MDGA2: variants seen among roughly 807,000 people sequenced by gnomAD.
MDGA2 encodes the protein MAM domain-containing glycosylphosphatidylinositol anchor protein 2.
Under a neutral mutation model 117.8 loss-of-function variants are expected in MDGA2, and 40 were observed. The observed-to-expected ratio is 0.34, with a 90% CI of 0.26 to 0.44. The LOEUF (loss-of-function observed/expected upper bound fraction) is 0.44. MDGA2 is among the 20% of genes least tolerant of loss of function. The pLI is 1.00. For missense variants in MDGA2, 1,123 were observed against 1,250.6 expected, an observed-to-expected ratio of 0.90 and a Z score of 1.54; for synonymous variants, 452 against 439.0, an observed-to-expected ratio of 1.03 and a Z score of -0.37.
chr14:47,059,328 G>A (rs1311312590), intron 7 of MDGA2: 1 of 1,275,040 alleles, frequency 7.8e-7, no homozygotes, highest in South Asian at 1.2e-5. Flanking sequence ...TACTTTCCAG[G>A]GGTAGTGTTT....
chr14:47,123,711 T>C (rs193082700), intron 5 of MDGA2, among the ~76,000 whole-genome samples: 7 of 152,190 alleles, frequency 4.6e-5, no homozygotes, highest in Non-Finnish European at 4.4e-5. Context: ...TACTAATATC[T>C]AACATATGCA....
At chr14:47,527,023 C>T (rs1894986429) in intron 1 of MDGA2, among the ~76,000 whole-genome samples, 1 of 152,136 alleles carries the variant, frequency 6.6e-6, no homozygotes, top group Non-Finnish European at 1.5e-5. Flanking sequence ...AGCATGCTCA[C>T]TGAGTATTTA....
chr14:47,023,723 C>T (rs1456130974), intron 8 of MDGA2, among the ~76,000 whole-genome samples: 2 of 152,098 alleles, frequency 1.3e-5, no homozygotes, highest in East Asian at 3.9e-4. Flanking sequence ...AAAGGAATTA[C>T]TATACTTTTA....
intron 7 of MDGA2, among the ~76,000 whole-genome samples, chr14:47,060,301 T>C (rs1889837697): frequency 6.6e-6 from 1 of 152,064 alleles, no homozygotes; most frequent in African/African-American, 2.4e-5. Context: ...AGGAGTAAAA[T>C]CAATCCAGTG....
At chr14:47,657,606 AACTGACAGTT>A (rs1248196891) in intron 1 of MDGA2, among the ~76,000 whole-genome samples, 1 of 152,174 alleles carries the variant, frequency 6.6e-6, no homozygotes, top group Non-Finnish European at 1.5e-5. Flanking sequence ...TCTTGATTGG[AACTGACAGTT>A]ACCTTGTGCC....
At chr14:47,102,858 G>T (rs545759208) in intron 5 of MDGA2, among the ~76,000 whole-genome samples, 100 of 152,288 alleles carry the variant, frequency 6.6e-4, no homozygotes, top group Admixed American at 2.0e-3. Context: ...TCTGTCCAAA[G>T]AAACTGCAGC....
chr14:46,865,802 G>A (rs975603482), intron 14 of MDGA2, among the ~76,000 whole-genome samples: 1 of 152,096 alleles, frequency 6.6e-6, no homozygotes, highest in African/African-American at 2.4e-5. Flanking sequence ...TTGCTTCAAA[G>A]AGAATAAAAT....
chr14:47,620,853 C>T (rs758151813), intron 1 of MDGA2, among the ~76,000 whole-genome samples: 6 of 152,246 alleles, frequency 3.9e-5, no homozygotes, highest in African/African-American at 1.2e-4. Flanking sequence ...TGAGGCACAA[C>T]GGCACAACAT....
At chr14:47,280,595 A>G (rs1016243170) in intron 2 of MDGA2, among the ~76,000 whole-genome samples, 2 of 151,998 alleles carry the variant, frequency 1.3e-5, no homozygotes, top group Admixed American at 6.6e-5. Context: ...GGAGAGCTCT[A>G]TGGGACAGGA....
intron 8 of MDGA2, among the ~76,000 whole-genome samples, chr14:46,988,598 G>A (rs1279320558): frequency 2.6e-5 from 4 of 152,096 alleles, no homozygotes; most frequent in Admixed American, 1.3e-4. Flanking sequence ...AAGGACTCAC[G>A]GAAAACCAAA....
At chr14:47,376,427 T>A (rs555160934) in intron 1 of MDGA2, among the ~76,000 whole-genome samples, 1 of 152,150 alleles carries the variant, frequency 6.6e-6, no homozygotes, top group Admixed American at 6.5e-5. Flanking sequence ...CTATTATTGG[T>A]CAATCTCAGA....
At chr14:47,196,470 G>A (rs928673852) in intron 3 of MDGA2, among the ~76,000 whole-genome samples, 3 of 152,042 alleles carry the variant, frequency 2.0e-5, no homozygotes, top group African/African-American at 7.2e-5. Context: ...TATACTTTTT[G>A]CAGTGATTTA....
At position 47,320,903 on chromosome 14, in the gene MDGA2, C is replaced by CA. The variant is rs974912315; in HGVS notation, c.281-19354dup. Among the ~76,000 whole-genome samples the CA allele has an allele frequency of 2.0e-5, 3 of 151,878 alleles. No individual in the cohort carries two copies. In the South Asian group the frequency reaches 6.2e-4, roughly 32 times the overall value. ...AATCTATCAATCTCTGCCATTTACC[C>CA]AAAAAACATTGTACCCCAGATTAAA... is the stretch of plus-strand genomic sequence containing the variant. On this transcript the variant is annotated intron_variant, in intron 1 of 16. Transcript: ENST00000399232.
chr14:47,299,771 C>A (rs149889061), intron 2 of MDGA2, among the ~76,000 whole-genome samples: 418 of 151,954 alleles, frequency 2.8e-3, no homozygotes, highest in Admixed American at 4.5e-3. Flanking sequence ...CTTTTGGAAT[C>A]TTTTTTTTCT....
intron 2 of MDGA2, among the ~76,000 whole-genome samples, chr14:47,267,418 T>C (rs1280293249): frequency 3.3e-5 from 5 of 152,182 alleles, no homozygotes; most frequent in Non-Finnish European, 7.4e-5. Flanking sequence ...GTTAATGACA[T>C]AAAAAATTTG....
At chr14:47,316,804 A>G (rs1004425331) in intron 1 of MDGA2, among the ~76,000 whole-genome samples, 1 of 152,136 alleles carries the variant, frequency 6.6e-6, no homozygotes, top group African/African-American at 2.4e-5. Context: ...ATAAAATGGC[A>G]TTTTCCATAC....
chr14:47,389,867 G>A (rs1182177237), intron 1 of MDGA2, among the ~76,000 whole-genome samples: 1 of 152,146 alleles, frequency 6.6e-6, no homozygotes, highest in Non-Finnish European at 1.5e-5. Context: ...TTTAAGCATA[G>A]AGCCAAAGGA....
chr14:46,950,406 T>C (rs1480309863), intron 9 of MDGA2, among the ~76,000 whole-genome samples: 1 of 151,914 alleles, frequency 6.6e-6, no homozygotes. Flanking sequence ...GCACATGTAG[T>C]AGGGTTGTTG....
intron 14 of MDGA2, among the ~76,000 whole-genome samples, chr14:46,857,612 C>T (rs961437980): frequency 6.6e-6 from 1 of 151,950 alleles, no homozygotes. Context: ...TGAGTTTCTT[C>T]TAAGTCTTTT....
Sources: gnomAD v4.1 joint callset for allele counts (sites outside exome capture counted in the v4.1 genomes callset) on GRCh38, gnomAD v4.1.1 for gene constraint, MANE v1.5 for transcripts, NCBI Gene and HGNC (gene_info 2026-07-23, HGNC 2026-07-21) for gene names.